Variants in FHIT observed in about 807,000 individuals in gnomAD.
FHIT encodes bis(5'-adenosyl)-triphosphatase.
FHIT carries 19 observed loss-of-function variants against 17.9 expected under a neutral mutation model. The observed-to-expected ratio is 1.06, with a 90% CI of 0.74 to 1.56. The LOEUF (loss-of-function observed/expected upper bound fraction) is 1.56, where lower values mean the gene tolerates loss of function less well. FHIT is among the 40% of genes most tolerant of loss of function. The pLI, the probability that FHIT is intolerant of heterozygous loss-of-function variation, is 0.00. For synonymous variants in FHIT, 81 were observed against 69.7 expected, an observed-to-expected ratio of 1.16 and a Z score of -0.81; for missense variants, 248 against 189.2, an observed-to-expected ratio of 1.31 and a Z score of -1.82.
At chr3:60,528,438 AAAGG>A (rs888687377) in intron 5 of FHIT, among the ~76,000 whole-genome samples, 12 of 129,810 alleles carry the variant, frequency 9.2e-5, no homozygotes, top group African/African-American at 2.1e-4. Flanking sequence ...AGGAAGGAAA[AAAGG>A]AAGGAAGGAA....
At chr3:60,211,830 CT>C (rs1201391261) in intron 5 of FHIT, among the ~76,000 whole-genome samples, 8 of 152,172 alleles carry the variant, frequency 5.3e-5, no homozygotes, top group African/African-American at 1.9e-4. Flanking sequence ...TACAAGTTGC[CT>C]TAGCTGGTTC....
intron 8 of FHIT, among the ~76,000 whole-genome samples, chr3:59,794,966 G>A (rs1367025596): frequency 6.6e-6 from 1 of 152,188 alleles, no homozygotes; most frequent in African/African-American, 2.4e-5. Flanking sequence ...CCATGGCTCA[G>A]TTTCCTCACC....
At chr3:60,783,421 G>C (rs143287798) in intron 4 of FHIT, among the ~76,000 whole-genome samples, 1 of 152,334 alleles carries the variant, frequency 6.6e-6, no homozygotes, top group African/African-American at 2.4e-5. Flanking sequence ...GCCCACAAAG[G>C]AGATAAGAGG....
chr3:60,308,579 C>G (rs1377447571), intron 5 of FHIT, among the ~76,000 whole-genome samples: 1 of 151,136 alleles, frequency 6.6e-6, no homozygotes, highest in East Asian at 1.9e-4. Context: ...TGGGTCCCCC[C>G]CCAACAATTA....
chr3:61,184,928 C>G (rs556904354), intron 2 of FHIT, among the ~76,000 whole-genome samples: 1 of 152,186 alleles, frequency 6.6e-6, no homozygotes, highest in Non-Finnish European at 1.5e-5. Flanking sequence ...AAGAACGGCA[C>G]ATTTCCCTAC....
At chr3:60,389,087 A>G (rs1701124374) in intron 5 of FHIT, among the ~76,000 whole-genome samples, 1 of 152,182 alleles carries the variant, frequency 6.6e-6, no homozygotes, top group Non-Finnish European at 1.5e-5. Flanking sequence ...AAGGCACTCA[A>G]TTTAGCAATG....
At chr3:60,017,624 T>C (rs1346931279) in intron 5 of FHIT, among the ~76,000 whole-genome samples, 1 of 152,218 alleles carries the variant, frequency 6.6e-6, no homozygotes, top group African/African-American at 2.4e-5. Context: ...TACCAGAAAC[T>C]TGGCAATCCT....
chr3:59,757,424 C>T (rs986137009), intron 8 of FHIT, among the ~76,000 whole-genome samples: 12 of 152,144 alleles, frequency 7.9e-5, no homozygotes, highest in African/African-American at 2.4e-4. Context: ...TGATACGTGT[C>T]GATTTTGACA....
intron 4 of FHIT, among the ~76,000 whole-genome samples, chr3:60,706,499 G>C (rs1473740180): frequency 6.6e-6 from 1 of 152,214 alleles, no homozygotes; most frequent in African/African-American, 2.4e-5. Context: ...ATCAGGGTTA[G>C]AGGACAAGTC....
chr3:60,599,148 C>T (rs2038361562), intron 4 of FHIT, among the ~76,000 whole-genome samples: 1 of 152,086 alleles, frequency 6.6e-6, no homozygotes, highest in South Asian at 2.1e-4. Flanking sequence ...AGAAACCTGC[C>T]CAATCCTCGA....
intron 4 of FHIT, among the ~76,000 whole-genome samples, chr3:60,776,957 G>T (rs577048381): frequency 6.6e-6 from 1 of 152,170 alleles, no homozygotes; most frequent in South Asian, 2.1e-4. Flanking sequence ...TCAACCAAGG[G>T]TATTATATGG....
At chr3:61,043,313 C>G (rs1396605107) in intron 2 of FHIT, among the ~76,000 whole-genome samples, 1 of 151,442 alleles carries the variant, frequency 6.6e-6, no homozygotes. Context: ...ATATCCCGCG[C>G]CTAGCTCGGA....
chr3:61,128,872 C>T (rs927160112), intron 2 of FHIT, among the ~76,000 whole-genome samples: 8 of 151,772 alleles, frequency 5.3e-5, no homozygotes, highest in African/African-American at 1.9e-4. Flanking sequence ...GAAAGTTGTT[C>T]AAAAGGTTCA....
At chr3:60,955,633 T>TATATATATACACACAC (rs1272864632) in intron 3 of FHIT, among the ~76,000 whole-genome samples, 3 of 39,520 alleles carry the variant, frequency 7.6e-5, no homozygotes, top group African/African-American at 2.4e-4. Flanking sequence ...TATATATATA[T>TATATATATACACACAC]ACACACACAC....
intron 5 of FHIT, among the ~76,000 whole-genome samples, chr3:60,277,332 G>A (rs752135691): frequency 4.6e-5 from 7 of 152,066 alleles, no homozygotes; most frequent in Non-Finnish European, 8.8e-5. Flanking sequence ...AAAAGCAGCC[G>A]CCAAATCATT....
At chr3:60,665,941 A>G (rs546884363) in intron 4 of FHIT, among the ~76,000 whole-genome samples, 4 of 152,046 alleles carry the variant, frequency 2.6e-5, no homozygotes, top group Non-Finnish European at 4.4e-5. Flanking sequence ...ACTTCTTTGT[A>G]TAGTTTTCAC....
intron 5 of FHIT, among the ~76,000 whole-genome samples, chr3:60,397,999 G>A (rs1002698096): frequency 3.3e-5 from 5 of 152,066 alleles, no homozygotes; most frequent in African/African-American, 7.2e-5. Flanking sequence ...TCCCACTTTC[G>A]GGTAGGGGAA....
At chr3:59,924,709 C>T (rs1705567442) in intron 7 of FHIT, among the ~76,000 whole-genome samples, 1 of 152,198 alleles carries the variant, frequency 6.6e-6, no homozygotes, top group Non-Finnish European at 1.5e-5. Context: ...TATTAAGAAG[C>T]TCCTTGAATG....
At chr3:60,721,487 T>TA (rs782016880) in intron 4 of FHIT, among the ~76,000 whole-genome samples, 3 of 152,096 alleles carry the variant, frequency 2.0e-5, no homozygotes, top group Non-Finnish European at 4.4e-5. Flanking sequence ...AATTATAACC[T>TA]ACCAAGTCAG....
Sources: allele counts gnomAD v4.1 joint callset (sites outside exome capture counted in the v4.1 genomes callset), GRCh38; gene constraint gnomAD v4.1.1; transcripts MANE v1.5; gene names NCBI Gene and HGNC (gene_info 2026-07-23, HGNC 2026-07-21).